Variants in PITPNC1 observed in about 807,000 individuals in gnomAD.
PITPNC1 encodes the protein phosphatidylinositol transfer protein cytoplasmic 1, also known as cytoplasmic phosphatidylinositol transfer protein 1.
In PITPNC1, 18 loss-of-function variants were observed where a neutral mutation model predicts 44.7. The ratio of observed to expected loss-of-function variants is 0.40; its 90% CI spans 0.28 to 0.60. PITPNC1 has a LOEUF of 0.60. PITPNC1 is among the 20% of genes least tolerant of loss of function. PITPNC1 has a pLI of 0.39. For missense variants in PITPNC1, 290 were observed against 418.4 expected (o/e 0.69, Z 2.68); for synonymous variants, 141 against 149.6 (o/e 0.94, Z 0.42).
At chr17:67,420,566 G>A (rs138352316) in intron 1 of PITPNC1, among the ~76,000 whole-genome samples, 57 of 151,202 alleles carry the variant, frequency 3.8e-4, no homozygotes, top group African/African-American at 1.3e-3. Flanking sequence ...TAAGCAGCTG[G>A]GATTACAGTC....
chr17:67,379,094 C>G, intron 1 of PITPNC1: 2 of 985,994 alleles, frequency 2.0e-6, no homozygotes, highest in Non-Finnish European at 2.4e-6. Flanking sequence ...TCTTCCTCCC[C>G]ACCTTTGTGG....
intron 1 of PITPNC1, among the ~76,000 whole-genome samples, chr17:67,463,810 G>A (rs929551341): frequency 6.6e-6 from 1 of 152,070 alleles, no homozygotes; most frequent in Non-Finnish European, 1.5e-5. Context: ...GGGAGGCTGA[G>A]GTGGGAGGAT....
chr17:67,554,372 C>T (rs2040807549), intron 4 of PITPNC1, among the ~76,000 whole-genome samples: 1 of 151,594 alleles, frequency 6.6e-6, no homozygotes, highest in Non-Finnish European at 1.5e-5. Flanking sequence ...ATTCTCCTGC[C>T]TCAGCCTCCC....
At chr17:67,588,424 G>T (rs2041349875) in intron 5 of PITPNC1, among the ~76,000 whole-genome samples, 1 of 152,166 alleles carries the variant, frequency 6.6e-6, no homozygotes. Context: ...TTCCAGAAAA[G>T]AATAATTCCT....
At chr17:67,674,989 C>T (rs1053994953) in intron 7 of PITPNC1, among the ~76,000 whole-genome samples, 6 of 139,226 alleles carry the variant, frequency 4.3e-5, no homozygotes, top group African/African-American at 8.1e-5. Context: ...TCCAGCTTGG[C>T]GACAGAGTAA....
At chr17:67,532,675 A>G in intron 1 of PITPNC1, 127 bp from the exon 2 acceptor site, 1 of 649,490 alleles carries the variant, frequency 1.5e-6, no homozygotes, top group Non-Finnish European at 2.6e-6. Context: ...CATGAGGCCC[A>G]TGTGGCTGCC....
At chr17:67,428,557 G>C (rs1483266252) in intron 1 of PITPNC1, among the ~76,000 whole-genome samples, 1 of 149,528 alleles carries the variant, frequency 6.7e-6, no homozygotes, top group Admixed American at 6.7e-5. Flanking sequence ...AAAAAAGAAA[G>C]AAAGAAAACA....
intron 6 of PITPNC1, among the ~76,000 whole-genome samples, chr17:67,655,178 C>T (rs955817204): frequency 6.6e-6 from 1 of 152,112 alleles, no homozygotes; most frequent in Non-Finnish European, 1.5e-5. Flanking sequence ...GGAGATGGCT[C>T]GTTTCTTGGT....
At position 67,692,556 on chromosome 17, in the gene PITPNC1, G is replaced by C. The variant is rs1291426208; in HGVS notation, c.683-16G>C. The C allele has an allele frequency of 6.3e-7, 1 of 1,588,178 alleles. No homozygotes were observed. The highest frequency in any genetic ancestry group is 2.2e-5 in the East Asian group (1 of 44,558). On this transcript the variant is annotated splice_polypyrimidine_tract_variant and intron_variant, in intron 8 of 8. Transcript: ENST00000581322. ...TAAATAACTGCTCGTTTTTCTTTCT[G>C]TTTTTCTCCTTGAAGACATGACAAT... is the stretch of plus-strand genomic sequence containing the variant.
At chr17:67,649,390 C>T (rs770658888) in intron 6 of PITPNC1, among the ~76,000 whole-genome samples, 1 of 152,188 alleles carries the variant, frequency 6.6e-6, no homozygotes, top group African/African-American at 2.4e-5. Context: ...CGGGGGCATC[C>T]CCTTGGGCAT....
Position 67,695,179 on chromosome 17 carries a change from C to T in PITPNC1, c.*2291C>T, listed in dbSNP as rs552754375. ...CTACGATGATAGTGTGATTCTTAGC[C>T]GAAAAAAAAGCGTGTGCTCTTAAAG... On this transcript the variant is annotated 3_prime_UTR_variant, in exon 9 of 9. Transcript: ENST00000581322. 2.6e-5 allele frequency: 4 copies of T among 151,590 alleles called. No individual in the cohort carries two copies. Among genetic ancestry groups the T allele is most frequent in the Admixed American group, 6.6e-5 (1 of 15,218 alleles). The allele number at this position is 151,590 out of a possible 1,614,324, so 9.4% of individuals were successfully genotyped here. A position where few individuals can be genotyped will look rare whatever the true frequency, so the allele number is the denominator to read the frequency against.
intron 7 of PITPNC1, 113 bp downstream of exon 7, chr17:67,669,776 A>C (rs2144401329): frequency 1.6e-4 from 120 of 761,876 alleles, no homozygotes; most frequent in Non-Finnish European, 2.3e-4. Context: ...ACTGCATCTC[A>C]AAAACACTTT....
chr17:67,386,978 G>A (rs1419773457), intron 1 of PITPNC1, among the ~76,000 whole-genome samples: 1 of 152,158 alleles, frequency 6.6e-6, no homozygotes, highest in Non-Finnish European at 1.5e-5. Context: ...TTACAAGGAG[G>A]ATGAGGCGCA....
rs1272526928 is a variant in PITPNC1, at chr17:67,452,766, G to C, written c.48+74564G>C. 5.9e-5 allele frequency among the ~76,000 whole-genome samples: 9 copies of C among 152,302 alleles called. No individual in the cohort carries two copies. In the South Asian group the frequency reaches 1.9e-3, roughly 32 times the overall value. On this transcript the variant is annotated intron_variant, in intron 1 of 8. Coordinates refer to ENST00000581322, the MANE Select transcript of PITPNC1 (RefSeq NM_012417.4). ...CTCCCAAAGTGTTGTGATTACAGGC[G>C]TGAGCCACTGGGCCTGGCCACTGGG...
chr17:67,546,017 C>T (rs986293789), intron 2 of PITPNC1, among the ~76,000 whole-genome samples: 95 of 151,878 alleles, frequency 6.3e-4, no homozygotes, highest in Admixed American at 2.4e-3. Context: ...CATGATGAAA[C>T]GCCATCTCTA....
Position 67,692,641 on chromosome 17 carries a change from T to A in PITPNC1, c.752T>A (p.Ile251Asn). The A allele has an allele frequency of 1.2e-6, 2 of 1,613,844 alleles. No homozygotes were observed. The highest frequency in any genetic ancestry group is 1.7e-6 in the Non-Finnish European group (2 of 1,179,782). ...GAAGCCACCAACAAGAAAATCGGCATTTTCCCACCTGCAATTTCTATCTCC... is the reference window on the plus strand; with the variant it reads ...GAAGCCACCAACAAGAAAATCGGCAATTTCCCACCTGCAATTTCTATCTCC... ...TQEATNKKIG[I>N]FPPAISISSI... The change falls in exon 9 of 9, where the codon ATT (isoleucine) becomes AAT (asparagine). Residue 251 changes from isoleucine to asparagine, a missense_variant. Transcript: ENST00000581322.
intron 1 of PITPNC1, among the ~76,000 whole-genome samples, chr17:67,447,821 A>C (rs1325901765): frequency 6.6e-6 from 1 of 151,422 alleles, no homozygotes. Context: ...TATTTCCTGA[A>C]ATTTTTACCT....
intron 1 of PITPNC1, among the ~76,000 whole-genome samples, chr17:67,460,123 A>G (rs987295264): frequency 2.0e-5 from 3 of 152,120 alleles, no homozygotes; most frequent in Non-Finnish European, 2.9e-5. Flanking sequence ...ATAAACTTAA[A>G]TGAAGTGATT....
At chr17:67,470,745 CTT>C (rs2144000937) in intron 1 of PITPNC1, among the ~76,000 whole-genome samples, 2 of 151,972 alleles carry the variant, frequency 1.3e-5, no homozygotes, top group Middle Eastern at 3.4e-3. Flanking sequence ...ACAATGGCGG[CTT>C]TGTGGAATAG....
Sources: gnomAD v4.1 joint callset for allele counts (sites outside exome capture counted in the v4.1 genomes callset) on GRCh38, gnomAD v4.1.1 for gene constraint, MANE v1.5 for transcripts, NCBI Gene and HGNC (gene_info 2026-07-23, HGNC 2026-07-21) for gene names.